AFDN: variants seen among roughly 807,000 people sequenced by gnomAD.
AFDN encodes afadin.
AFDN carries 68 observed loss-of-function variants against 216.6 expected under a neutral mutation model. That is an observed-to-expected ratio of 0.31 (90% CI 0.26 to 0.38). The LOEUF (loss-of-function observed/expected upper bound fraction) is 0.38. Among genes scored for constraint, AFDN ranks in the 10% least tolerant of loss-of-function variants. The pLI, the probability that AFDN is intolerant of heterozygous loss-of-function variation, is 1.00. For missense variants in AFDN, 2,136 were observed against 2,342.0 expected (o/e 0.91, Z 1.82); for synonymous variants, 868 against 853.7 (o/e 1.02, Z -0.29).
At chr6:167,884,492 T>C (rs1005508267) in intron 6 of AFDN, among the ~76,000 whole-genome samples, 1 of 152,216 alleles carries the variant, frequency 6.6e-6, no homozygotes, top group Non-Finnish European at 1.5e-5. Flanking sequence ...TGGGTGTTGC[T>C]TTAGTAAGCA....
chr6:167,874,610 AT>A (rs34069250), intron 4 of AFDN, among the ~76,000 whole-genome samples: 29,918 of 113,278 alleles, frequency 0.26, 2,963 homozygotes, highest in East Asian at 0.49. Context: ...ATTTGCTATA[AT>A]TTTTTTTTTT....
intron 1 of AFDN, among the ~76,000 whole-genome samples, chr6:167,831,839 T>G (rs1779862271): frequency 6.6e-6 from 1 of 152,254 alleles, no homozygotes; most frequent in Non-Finnish European, 1.5e-5. Context: ...TCTGGTAGCA[T>G]AGACTAATTT....
In AFDN at chr6:167,962,771, C is replaced by T; in HGVS notation, c.4968+204C>T. On this transcript the variant is annotated intron_variant, in intron 31 of 33. Transcript: ENST00000683244. This position sits in a 1 kb window ranked among gnomAD's most constrained non-coding sequence, Gnocchi z 5.2. ...CTCTTCTGGACTGTCTCCAGATCCC[C>T]TTATCTGCCAAGTTTTGTCTCCTTC... 1 of 1,407,016 alleles carries T rather than the reference C, an allele frequency of 7.1e-7. No individual in the cohort carries two copies. Among genetic ancestry groups the T allele is most frequent in the Non-Finnish European group, 9.2e-7 (1 of 1,082,070 alleles). 87.2% of individuals were successfully genotyped at this position (1,407,016 alleles called of 1,614,324 possible).
intron 16 of AFDN, 90 bp downstream of exon 16, chr6:167,913,513 G>GTTCAGTCCAGCTGTT: frequency 8.2e-7 from 1 of 1,220,406 alleles, no homozygotes; most frequent in Non-Finnish European, 1.2e-6. Context: ...TACAACAGCT[G>GTTCAGTCCAGCTGTT]GACTGAACAG....
chr6:167,844,037 C>T (rs552910167), intron 1 of AFDN, among the ~76,000 whole-genome samples: 41 of 152,086 alleles, frequency 2.7e-4, no homozygotes, highest in African/African-American at 9.4e-4. Context: ...AAATTTAGTT[C>T]GTGTTTTTTG....
chr6:167,918,056 G>A (rs1791323086), intron 20 of AFDN, among the ~76,000 whole-genome samples: 3 of 152,116 alleles, frequency 2.0e-5, no homozygotes. Flanking sequence ...GGAGAAGGAG[G>A]GGACAGTGAT....
At chr6:167,943,317 G>A (rs41266291) in intron 24 of AFDN, 85 bp from the exon 25 acceptor site, 48,881 of 1,433,484 alleles carry the variant, frequency 0.034, 934 homozygotes, top group African/African-American at 0.054. Flanking sequence ...AACAAATAGA[G>A]TATCTACTCA....
rs762559293 is a variant in AFDN at position 167,946,698 on chromosome 6, T to C, written c.3359-9T>C. 6.2e-7 allele frequency: 1 copy of C among 1,612,462 alleles called. No individual in the cohort carries two copies. The highest frequency in any genetic ancestry group is 8.5e-7 in the Non-Finnish European group (1 of 1,178,832). On this transcript the variant is annotated splice_polypyrimidine_tract_variant and intron_variant, in intron 26 of 33. Coordinates refer to ENST00000683244, the MANE Select transcript of AFDN (RefSeq NM_001386888.1). ...ATCTTAAGAGATACTGAATATGCTT[T>C]GATTCCAGTTTCAGATCGTCGTGGC...
At chr6:167,931,834 A>G (rs969466055) in intron 23 of AFDN, among the ~76,000 whole-genome samples, 1 of 152,182 alleles carries the variant, frequency 6.6e-6, no homozygotes, top group African/African-American at 2.4e-5. Flanking sequence ...TTGGTGTGGC[A>G]GCATCACATA....
intron 22 of AFDN, among the ~76,000 whole-genome samples, chr6:167,923,961 G>C (rs1358443828): frequency 6.6e-6 from 1 of 152,014 alleles, no homozygotes; most frequent in African/African-American, 2.4e-5. Context: ...ACTGCTGTCT[G>C]TTAAGTCCCA....
At chr6:167,923,373 G>A (rs892328412) in intron 22 of AFDN, among the ~76,000 whole-genome samples, 5 of 152,068 alleles carry the variant, frequency 3.3e-5, no homozygotes, top group Admixed American at 6.5e-5. Context: ...TTTTGAAAGA[G>A]TGGTAAATCC....
intron 30 of AFDN, among the ~76,000 whole-genome samples, chr6:167,961,041 C>T (rs1796981981): frequency 6.6e-6 from 1 of 151,208 alleles, no homozygotes; most frequent in East Asian, 1.9e-4. Context: ...TCACAGAAAT[C>T]AAGGGAGAGT....
At chr6:167,848,468 C>T (rs767428427) in intron 1 of AFDN, among the ~76,000 whole-genome samples, 9 of 152,132 alleles carry the variant, frequency 5.9e-5, no homozygotes, top group Non-Finnish European at 1.2e-4. Flanking sequence ...TTCTGTTGTC[C>T]GTATTCTATC....
chr6:167,921,508 C>T (rs187273879), intron 21 of AFDN, among the ~76,000 whole-genome samples: 25 of 152,100 alleles, frequency 1.6e-4, no homozygotes, highest in African/African-American at 1.2e-4. Context: ...TACTTTGTGC[C>T]GTCAATATAT....
intron 21 of AFDN, among the ~76,000 whole-genome samples, chr6:167,921,809 A>T (rs370825326): frequency 7.6e-5 from 8 of 104,714 alleles, no homozygotes; most frequent in African/African-American, 2.1e-4. Flanking sequence ...TTTAAAAAAT[A>T]AAAAAAAAAA....
At chr6:167,834,687 AATACTTTTC>A (rs1394920641) in intron 1 of AFDN, among the ~76,000 whole-genome samples, 1 of 151,866 alleles carries the variant, frequency 6.6e-6, no homozygotes, top group East Asian at 1.9e-4. Flanking sequence ...GATTCTTTTA[AATACTTTTC>A]ATACTCTATA....
chr6:167,963,721 C>CA (rs1797261110), intron 31 of AFDN: 1 of 1,061,548 alleles, frequency 9.4e-7, no homozygotes, highest in Non-Finnish European at 1.1e-6. Flanking sequence ...GAAGTCCTCT[C>CA]AAAGAGTTTG....
chr6:167,944,832 T>G (rs1391421056), intron 26 of AFDN, among the ~76,000 whole-genome samples: 1 of 151,958 alleles, frequency 6.6e-6, no homozygotes, highest in Non-Finnish European at 1.5e-5. Flanking sequence ...AGAAGGCCAC[T>G]TAACCCTGAG....
chr6:167,952,910 A>C (rs1796150686), intron 30 of AFDN, among the ~76,000 whole-genome samples: 1 of 152,246 alleles, frequency 6.6e-6, no homozygotes, highest in South Asian at 2.1e-4. Context: ...TCTCCACAGT[A>C]TGAAAATGAT....
Sources: allele counts gnomAD v4.1 joint callset (sites outside exome capture counted in the v4.1 genomes callset), GRCh38; gene constraint gnomAD v4.1.1; non-coding constraint Gnocchi (gnomAD v3.1); transcripts MANE v1.5; gene names NCBI Gene and HGNC (gene_info 2026-07-23, HGNC 2026-07-21).